Variants in PRKAR1B observed in about 807,000 individuals in gnomAD.
The protein encoded by PRKAR1B is protein kinase cAMP-dependent type I regulatory subunit beta, also known as cAMP-dependent protein kinase type I-beta regulatory subunit.
PRKAR1B carries 22 observed loss-of-function variants against 46.5 expected under a neutral mutation model. That is an observed-to-expected ratio of 0.47 (90% CI 0.34 to 0.68). The LOEUF (loss-of-function observed/expected upper bound fraction) is 0.68. Ranked by LOEUF, PRKAR1B falls within the 30% of genes least tolerant of loss-of-function variation. PRKAR1B has a pLI of 0.01. For synonymous variants in PRKAR1B, 259 were observed against 217.7 expected (o/e 1.19, Z -1.67); for missense variants, 445 against 535.6 (o/e 0.83, Z 1.67).
intron 7 of PRKAR1B, among the ~76,000 whole-genome samples, chr7:588,371 G>A (rs964507269): frequency 5.3e-5 from 8 of 152,112 alleles, no homozygotes; most frequent in Admixed American, 3.9e-4. Context: ...GTCATTATGA[G>A]AACTGATTCT....
intron 9 of PRKAR1B, among the ~76,000 whole-genome samples, chr7:564,533 C>T (rs1181629787): frequency 1.3e-5 from 2 of 152,210 alleles, no homozygotes; most frequent in Non-Finnish European, 2.9e-5. Context: ...GTCACACACT[C>T]AGGTCCCCGC....
rs1039061481 is a variant in PRKAR1B at position 727,221 on chromosome 7, TCTGCGCGCG to T, written c.-43_-35del. ...CGCTCGCGCCCCACCTGGACGACGC[TCTGCGCGCG>T]CTGCGCTGCTCCCTGCTCGACCCCT... On this transcript the variant is annotated 5_prime_UTR_variant, in exon 1 of 11. Coordinates refer to ENST00000537384, the MANE Select transcript of PRKAR1B (RefSeq NM_001164760.2). The T allele has an allele frequency of 5.9e-6, 8 of 1,350,136 alleles. No individual in the cohort carries two copies. The highest frequency in any genetic ancestry group is 4.8e-6 in the Non-Finnish European group (5 of 1,050,696). The allele number at this position is 1,350,136 out of a possible 1,614,324, so 83.6% of individuals were successfully genotyped here.
In PRKAR1B at chr7:633,006, C is replaced by T. The variant is rs559319973; in HGVS notation, c.441-25554G>A. Among the ~76,000 whole-genome samples the T allele has an allele frequency of 3.3e-5, 5 of 152,358 alleles. No individual in the cohort carries two copies. In the East Asian group the frequency reaches 9.6e-4, roughly 29 times the overall value. On this transcript the variant is annotated intron_variant, in intron 4 of 10. Transcript: ENST00000537384. ...ATCACGGGCAGAGGGAAGCCAGGCG[C>T]GCGGGTCGTAGTGAGATCAGCTAGA...
intron 8 of PRKAR1B, among the ~76,000 whole-genome samples, chr7:582,665 A>G (rs373436655): frequency 1.5e-3 from 227 of 152,316 alleles, no homozygotes; most frequent in African/African-American, 5.1e-3. Flanking sequence ...CCTCGCCCGG[A>G]GCAGGGAGAG....
At chr7:566,519 T>TCACCACCATCATCGC (rs1779161489) in intron 9 of PRKAR1B, among the ~76,000 whole-genome samples, 13 of 97,048 alleles carry the variant, frequency 1.3e-4, no homozygotes, top group African/African-American at 4.8e-4. Flanking sequence ...ATCATGATCA[T>TCACCACCATCATCGC]CACCATCATT....
intron 1 of PRKAR1B, among the ~76,000 whole-genome samples, chr7:717,555 G>C (rs565482741): frequency 5.3e-5 from 8 of 152,034 alleles, no homozygotes; most frequent in African/African-American, 1.9e-4. Flanking sequence ...CTATTCAGGA[G>C]GCTAAGGTGG....
chr7:579,300 C>CG lies in PRKAR1B; in HGVS notation c.846_847insC (p.Val283ArgfsTer28). 1 of 1,614,198 alleles carries CG rather than the reference C, an allele frequency of 6.2e-7. No homozygotes were observed. Among genetic ancestry groups the CG allele is most frequent in the East Asian group, 2.2e-5 (1 of 44,894 alleles). ...TCGTCCCCAGGCTCTCCCTGGACCA[C>CG]AATTTTCTCTCCATCTTCAAACTGG... On this transcript the variant is annotated frameshift_variant, in exon 9 of 11. Coordinates refer to ENST00000537384, the MANE Select transcript of PRKAR1B (RefSeq NM_001164760.2). LOFTEE classifies it high-confidence loss of function.
intron 4 of PRKAR1B, 70 bp from the exon 5 acceptor site, chr7:607,522 T>C (rs1782165390): frequency 3.1e-6 from 4 of 1,307,104 alleles, no homozygotes. Context: ...CCTCCCCTCA[T>C]TTCACAGTCT....
intron 2 of PRKAR1B, among the ~76,000 whole-genome samples, chr7:685,363 T>C (rs865934548): frequency 3.7e-5 from 2 of 53,856 alleles, no homozygotes; most frequent in African/African-American, 1.7e-4. Context: ...CATATATATA[T>C]ACACATATAT....
chr7:648,506 G>A (rs980220268), intron 4 of PRKAR1B, among the ~76,000 whole-genome samples: 2 of 152,180 alleles, frequency 1.3e-5, no homozygotes, highest in South Asian at 4.1e-4. Context: ...AGCTAGTCAG[G>A]AGGCTGAGGC....
chr7:618,654 T>C (rs1416098359), intron 4 of PRKAR1B, among the ~76,000 whole-genome samples: 1 of 152,218 alleles, frequency 6.6e-6, no homozygotes, highest in Non-Finnish European at 1.5e-5. Flanking sequence ...ATTTCCCTGA[T>C]CTCTAAGCTC....
intron 2 of PRKAR1B, 63 bp downstream of exon 2, chr7:711,266 C>T (rs777544117): frequency 2.0e-5 from 31 of 1,584,774 alleles, no homozygotes; most frequent in Non-Finnish European, 2.6e-5. Flanking sequence ...AAGGCTTCCC[C>T]GGCTGCCGCC....
chr7:711,499 A>T lies in PRKAR1B; in HGVS notation c.7T>A (p.Ser3Thr). The T allele has an allele frequency of 6.2e-7, 1 of 1,613,268 alleles. No homozygotes were observed. The part of the protein sequence containing the change: MA[S>T]PPACPSEEDE... Reference sequence around the variant, plus strand: ...TCCTCCGAGGGGCAGGCGGGCGGGGAGGCCATGGCGAGGGTGGCTGCTTCC... The same window carrying T: ...TCCTCCGAGGGGCAGGCGGGCGGGGTGGCCATGGCGAGGGTGGCTGCTTCC... The change falls in exon 2 of 11, where the codon TCC (serine) becomes ACC (threonine). Residue 3 changes from serine (S) to threonine (T), a missense_variant. This residue lies in a region of PRKAR1B where 155 missense variants were observed against 127.5 expected (regional missense o/e 1.22). Transcript: ENST00000537384.
chr7:691,088 C>T (rs1779392211), intron 2 of PRKAR1B, among the ~76,000 whole-genome samples: 1 of 150,752 alleles, frequency 6.6e-6, no homozygotes, highest in Non-Finnish European at 1.5e-5. Context: ...CGCTGCAAAT[C>T]CTACCCGAAG....
At chr7:668,310 G>A (rs1786046728) in intron 4 of PRKAR1B, among the ~76,000 whole-genome samples, 1 of 152,186 alleles carries the variant, frequency 6.6e-6, no homozygotes, top group Non-Finnish European at 1.5e-5. Flanking sequence ...TCAGCTTCTA[G>A]TAAACTGGAA....
chr7:637,370 T>C (rs1178252685), intron 4 of PRKAR1B, among the ~76,000 whole-genome samples: 2 of 151,824 alleles, frequency 1.3e-5, no homozygotes, highest in Non-Finnish European at 2.9e-5. Context: ...TGAGCCGAGA[T>C]TGCGCCACTG....
intron 9 of PRKAR1B, among the ~76,000 whole-genome samples, chr7:566,290 TTCATCATCACCA>T (rs1292182658): frequency 7.0e-6 from 1 of 143,658 alleles, no homozygotes; most frequent in Non-Finnish European, 1.5e-5. Flanking sequence ...CATCTTCACC[TTCATCATCACCA>T]TCATCATCAC....
At position 602,287 on chromosome 7, in the gene PRKAR1B, G is replaced by T. The variant is rs1391934105; in HGVS notation, c.549+3906C>A. ...TGAAGGAGTTACAGACGGCGGCGGG[G>T]GGAGGGGGGGTCTGTCCTGCTGGAA... On this transcript the variant is annotated intron_variant, in intron 6 of 10. Transcript: ENST00000537384. This position sits in a 1 kb window ranked among gnomAD's most constrained non-coding sequence, Gnocchi z 6.4. Among the ~76,000 whole-genome samples, 1 of 93,022 alleles carries T rather than the reference G, an allele frequency of 1.1e-5. No individual in the cohort carries two copies. The highest frequency in any genetic ancestry group is 2.3e-5 in the Non-Finnish European group (1 of 43,358). The allele number at this position is 93,022 out of a possible 152,430, so 61.0% of individuals were successfully genotyped here.
At chr7:635,393 C>T (rs1334658177) in intron 4 of PRKAR1B, among the ~76,000 whole-genome samples, 1 of 152,218 alleles carries the variant, frequency 6.6e-6, no homozygotes, top group Non-Finnish European at 1.5e-5. Flanking sequence ...AAACAGGGGT[C>T]AGAGCAGCAG....
Sources: allele counts gnomAD v4.1 joint callset (sites outside exome capture counted in the v4.1 genomes callset), GRCh38; gene constraint gnomAD v4.1.1; regional missense constraint gnomAD v4.1.1; non-coding constraint Gnocchi (gnomAD v3.1); transcripts MANE v1.5; gene names NCBI Gene and HGNC (gene_info 2026-07-23, HGNC 2026-07-21).